Variants in GARNL3 observed in about 807,000 individuals in gnomAD.
GARNL3 encodes the protein GTPase-activating Rap/Ran-GAP domain-like protein 3.
In GARNL3, 63 loss-of-function variants were observed where a neutral mutation model predicts 125.0. The ratio of observed to expected loss-of-function variants is 0.50; its 90% CI spans 0.41 to 0.62. The LOEUF is 0.62. Among genes scored for constraint, GARNL3 ranks in the 20% least tolerant of loss-of-function variants. The pLI is 0.00. For missense variants in GARNL3, 994 were observed against 1,244.0 expected (o/e 0.80, Z 3.02); for synonymous variants, 439 against 457.5 (o/e 0.96, Z 0.52).
At chr9:127,260,734 G>A (rs2063572679), upstream of GARNL3, among the ~76,000 whole-genome samples, 1 of 152,132 alleles carries the variant, frequency 6.6e-6, no homozygotes, top group East Asian at 1.9e-4. Flanking sequence ...GCTGAATTGG[G>A]CTGTAGTTTG....
intron 2 of GARNL3, among the ~76,000 whole-genome samples, chr9:127,303,931 G>A (rs1341887369): frequency 6.6e-6 from 1 of 152,174 alleles, no homozygotes; most frequent in Non-Finnish European, 1.5e-5. Context: ...ATCTGATGCA[G>A]AAATGATTCA....
intron 13 of GARNL3, among the ~76,000 whole-genome samples, chr9:127,340,437 T>C (rs1829802695): frequency 6.6e-6 from 1 of 152,060 alleles, no homozygotes; most frequent in Non-Finnish European, 1.5e-5. Flanking sequence ...CTCGGGTTCA[T>C]CTGCTGCAGC....
At chr9:127,271,162 C>T (rs10117616) in intron 1 of GARNL3, among the ~76,000 whole-genome samples, 12,185 of 149,926 alleles carry the variant, frequency 0.081, 2,597 homozygotes, top group African/African-American at 0.29. Context: ...CTTCATATAG[C>T]GAGAATTTAA....
At chr9:127,295,619 A>G (rs879370066) in intron 2 of GARNL3, among the ~76,000 whole-genome samples, 1 of 152,156 alleles carries the variant, frequency 6.6e-6, no homozygotes, top group Non-Finnish European at 1.5e-5. Flanking sequence ...GATTACCTAC[A>G]TTCCACATTT....
chr9:127,322,285 C>A (rs1394879590), intron 6 of GARNL3, among the ~76,000 whole-genome samples: 1 of 152,044 alleles, frequency 6.6e-6, no homozygotes, highest in African/African-American at 2.4e-5. Context: ...CACGGAGCCC[C>A]AAAACCCACA....
intron 1 of GARNL3, among the ~76,000 whole-genome samples, chr9:127,234,667 C>T (rs990657380): frequency 2.0e-5 from 3 of 152,154 alleles, no homozygotes; most frequent in Non-Finnish European, 4.4e-5. Context: ...AAAATCCTTT[C>T]GACTGAGTAA....
intron 21 of GARNL3, among the ~76,000 whole-genome samples, chr9:127,357,842 G>A (rs995854322): frequency 2.0e-5 from 3 of 152,032 alleles, no homozygotes; most frequent in Admixed American, 6.6e-5. Flanking sequence ...ATAAATGAGA[G>A]CATTTGTTAG....
chr9:127,256,639 G>C (rs1181816841), intron 2 of GARNL3, among the ~76,000 whole-genome samples: 1 of 152,160 alleles, frequency 6.6e-6, no homozygotes, highest in Non-Finnish European at 1.5e-5. Context: ...GTGAGTGAAA[G>C]AATTTTCACT....
chr9:127,339,515 T>C, intron 12 of GARNL3, 130 bp from the exon 13 acceptor site: 1 of 664,306 alleles, frequency 1.5e-6, no homozygotes, highest in Non-Finnish European at 2.7e-6. Context: ...CATGATTCAG[T>C]TACCTCTCCC....
chr9:127,249,277 G>A (rs1426886720), intron 2 of GARNL3, among the ~76,000 whole-genome samples: 1 of 152,120 alleles, frequency 6.6e-6, no homozygotes, highest in East Asian at 1.9e-4. Flanking sequence ...ATTCTCATGT[G>A]CAAAATGGCA....
At chr9:127,337,465 G>A (rs1163930242) in intron 11 of GARNL3, among the ~76,000 whole-genome samples, 2 of 152,192 alleles carry the variant, frequency 1.3e-5, no homozygotes, top group African/African-American at 4.8e-5. Flanking sequence ...CTAAGGAATT[G>A]ATGGCTCCAT....
In GARNL3 at chr9:127,313,215, C is replaced by G. The variant is rs3739559; in HGVS notation, c.320-226C>G. On this transcript the variant is annotated intron_variant, in intron 3 of 27. Coordinates refer to ENST00000373387, the MANE Select transcript of GARNL3 (RefSeq NM_032293.5). ...AAGCCCCTTGGCAGATTTCTCCAGT[C>G]TCATTGGCCAGAATTTGGTCACATG... 1,094 of 519,150 alleles carry G rather than the reference C, an allele frequency of 2.1e-3. 20 individuals are homozygous for G. The East Asian group carries it at 0.034, about 16-fold the overall frequency. 32.2% of individuals were successfully genotyped at this position (519,150 alleles called of 1,614,324 possible).
intron 1 of GARNL3, among the ~76,000 whole-genome samples, chr9:127,271,100 C>A (rs955240305): frequency 1.3e-5 from 2 of 150,210 alleles, no homozygotes; most frequent in Admixed American, 1.3e-4. Flanking sequence ...AAGTCAGTTT[C>A]AAAGAAGGGC....
intron 7 of GARNL3, among the ~76,000 whole-genome samples, chr9:127,331,504 GA>G (rs35635452): frequency 0.087 from 11,886 of 137,248 alleles, 1,294 homozygotes; most frequent in African/African-American, 0.26. Context: ...AAAAAAGAAA[GA>G]AAAAAAAAAA....
At chr9:127,321,488 G>GTAGA (rs2065400784) in intron 6 of GARNL3, among the ~76,000 whole-genome samples, 3 of 152,188 alleles carry the variant, frequency 2.0e-5, no homozygotes, top group Admixed American at 1.3e-4. Flanking sequence ...TACTCATGTA[G>GTAGA]TAGACTGCGC....
At chr9:127,261,640 C>T (rs767853757), upstream of GARNL3, among the ~76,000 whole-genome samples, 1 of 151,890 alleles carries the variant, frequency 6.6e-6, no homozygotes, top group Non-Finnish European at 1.5e-5. Flanking sequence ...CTCGAACTCC[C>T]GACCTCAGGT....
intron 1 of GARNL3, among the ~76,000 whole-genome samples, chr9:127,276,733 C>G (rs1394310756): frequency 1.3e-5 from 2 of 152,240 alleles, no homozygotes; most frequent in Non-Finnish European, 2.9e-5. Context: ...AGAAATCACA[C>G]ATAGCCATGT....
intron 1 of GARNL3, among the ~76,000 whole-genome samples, chr9:127,274,244 G>A (rs2063896552): frequency 6.6e-6 from 1 of 152,126 alleles, no homozygotes; most frequent in South Asian, 2.1e-4. Context: ...AACTTGGGGA[G>A]AATTAACACC....
chr9:127,378,762 A>T (rs116291826), intron 22 of GARNL3, among the ~76,000 whole-genome samples: 3,168 of 152,000 alleles, frequency 0.021, 66 homozygotes, highest in East Asian at 0.052. Context: ...TTATATATAT[A>T]TTTTTTGTTT....
Sources: gnomAD v4.1 joint callset for allele counts (sites outside exome capture counted in the v4.1 genomes callset) on GRCh38, gnomAD v4.1.1 for gene constraint, MANE v1.5 for transcripts, NCBI Gene and HGNC (gene_info 2026-07-23, HGNC 2026-07-21) for gene names.